Variants in OSBPL5 observed in about 807,000 individuals in gnomAD.
OSBPL5 encodes the protein oxysterol-binding protein-related protein 5.
OSBPL5 carries 71 observed loss-of-function variants against 111.2 expected under a neutral mutation model. The ratio of observed to expected loss-of-function variants is 0.64; its 90% CI spans 0.53 to 0.78. The LOEUF (loss-of-function observed/expected upper bound fraction) is 0.78. Among genes scored for constraint, OSBPL5 ranks in the 30% least tolerant of loss-of-function variants. The pLI, the probability that OSBPL5 is intolerant of heterozygous loss-of-function variation, is 0.00. For synonymous variants in OSBPL5, 549 were observed against 513.9 expected (o/e 1.07, Z -0.93); for missense variants, 1,210 against 1,189.3 (o/e 1.02, Z -0.26).
In OSBPL5 at chr11:3,146,177, C is replaced by T. The variant is rs972915947; in HGVS notation, c.-21-17008G>A. The T allele has an allele frequency of 2.6e-5, 4 of 152,244 alleles. No individual in the cohort carries two copies. Among genetic ancestry groups the T allele is most frequent in the South Asian group, 2.1e-4 (1 of 4,830 alleles). 9.4% of individuals were successfully genotyped at this position (152,244 alleles called of 1,614,324 possible). Reference sequence around the variant, plus strand: ...ATAAGCCAGGGTCCCGCGGCCCCGTCGGAGCTCTCAGACCAGGGCGGGCAG... The same window carrying T: ...ATAAGCCAGGGTCCCGCGGCCCCGTTGGAGCTCTCAGACCAGGGCGGGCAG... On this transcript the variant is annotated intron_variant, in intron 1 of 21. Coordinates refer to ENST00000263650, the MANE Select transcript of OSBPL5 (RefSeq NM_020896.4). The surrounding 1 kb of genome is among the most constrained non-coding windows in gnomAD (Gnocchi z 7.8).
Position 3,133,964 on chromosome 11 carries a change from G to A in OSBPL5, c.-21-4795C>T, listed in dbSNP as rs1046823788. Among the ~76,000 whole-genome samples, 80 of 149,152 alleles carry A rather than the reference G, an allele frequency of 5.4e-4. 1 individual carries two copies. Among genetic ancestry groups the A allele is most frequent in the African/African-American group, 2.0e-3 (78 of 39,110 alleles). On this transcript the variant is annotated intron_variant, in intron 1 of 21. Coordinates refer to ENST00000263650, the MANE Select transcript of OSBPL5 (RefSeq NM_020896.4). ...GGCCAGGGAAGAGGGAGTGGCTGGG[G>A]AAGAAGGCGGGGCTTGGTGGGGGGG...
chr11:3,132,901 T>C (rs1454224220), intron 1 of OSBPL5, among the ~76,000 whole-genome samples: 1 of 152,202 alleles, frequency 6.6e-6, no homozygotes, highest in Non-Finnish European at 1.5e-5. Context: ...GTGCTTCCCA[T>C]GTGTTTGGAT....
At position 3,090,542 on chromosome 11, in the gene OSBPL5, G is replaced by A. The variant is rs1182265064; in HGVS notation, c.2398+16C>T. 1.9e-6 allele frequency: 3 copies of A among 1,610,814 alleles called. No individual in the cohort carries two copies. Among genetic ancestry groups the A allele is most frequent in the East Asian group, 2.2e-5 (1 of 44,838 alleles). On this transcript the variant is annotated intron_variant, in intron 20 of 21. Coordinates refer to ENST00000263650, the MANE Select transcript of OSBPL5 (RefSeq NM_020896.4). Reference sequence around the variant, plus strand: ...CACCAGACAGAGGCCTTGGGGCTGGGCCCAAGGGGGCTCACCAGGGACAAA... The same window carrying A: ...CACCAGACAGAGGCCTTGGGGCTGGACCCAAGGGGGCTCACCAGGGACAAA...
At position 3,107,365 on chromosome 11, in the gene OSBPL5, A is replaced by G. The variant is rs1857738420; in HGVS notation, c.957T>C (p.His319=). 6.2e-7 allele frequency: 1 copy of G among 1,613,680 alleles called. No homozygotes were observed. Among genetic ancestry groups the G allele is most frequent in the Non-Finnish European group, 8.5e-7 (1 of 1,179,898 alleles). ...PEESDTETQD[H]SRKTESGSDQ... Reference sequence around the variant, plus strand: ...CGCTGCCACTCTCCGTCTTCCGGCTATGGTCCTGGGTCTCGGTATCTGACT... The same window carrying G: ...CGCTGCCACTCTCCGTCTTCCGGCTGTGGTCCTGGGTCTCGGTATCTGACT... Residue 319 remains histidine (H), a synonymous_variant, in exon 9 of 22, where the codon CAT becomes CAC. Transcript: ENST00000263650. This position sits in a 1 kb window ranked among gnomAD's most constrained non-coding sequence, Gnocchi z 6.1.
At chr11:3,149,120 T>TG (rs1264653211) in intron 1 of OSBPL5, among the ~76,000 whole-genome samples, 1 of 152,198 alleles carries the variant, frequency 6.6e-6, no homozygotes, top group Non-Finnish European at 1.5e-5. Flanking sequence ...TCCAGCCCTG[T>TG]GTCTTAGCAA....
intron 7 of OSBPL5, among the ~76,000 whole-genome samples, chr11:3,111,530 T>C (rs1352611447): frequency 6.6e-6 from 1 of 152,234 alleles, no homozygotes; most frequent in Non-Finnish European, 1.5e-5. Context: ...CGATTGTTTG[T>C]TTCGCTTAAC....
chr11:3,164,203 GAC>G (rs1195466287), intron 1 of OSBPL5: 3 of 152,366 alleles, frequency 2.0e-5, no homozygotes, highest in African/African-American at 7.2e-5. Flanking sequence ...GACTGGGGCA[GAC>G]ACACAGAGGG....
chr11:3,108,578 C>T (rs1857795608), intron 7 of OSBPL5, among the ~76,000 whole-genome samples: 1 of 152,138 alleles, frequency 6.6e-6, no homozygotes, highest in South Asian at 2.1e-4. Context: ...GACAGCTGGG[C>T]GCCTCCAAGC....
intron 1 of OSBPL5, among the ~76,000 whole-genome samples, chr11:3,138,314 C>T (rs1182267887): frequency 6.6e-6 from 1 of 152,206 alleles, no homozygotes; most frequent in African/African-American, 2.4e-5. Flanking sequence ...CCTGGCCCCA[C>T]CACCTCCCAG....
intron 1 of OSBPL5, among the ~76,000 whole-genome samples, chr11:3,151,710 TC>T (rs1846592458): frequency 6.6e-6 from 1 of 152,216 alleles, no homozygotes; most frequent in South Asian, 2.1e-4. Context: ...AACCGGTGAC[TC>T]CTCGGAGAAT....
At chr11:3,100,921 C>T (rs1389972010) in intron 13 of OSBPL5, among the ~76,000 whole-genome samples, 1 of 151,898 alleles carries the variant, frequency 6.6e-6, no homozygotes, top group African/African-American at 2.4e-5. Context: ...GGGGCCAACA[C>T]TGAGCCTGTG....
At position 3,092,960 on chromosome 11, in the gene OSBPL5, C is replaced by T. The variant is rs35733103; in HGVS notation, c.2039G>A (p.Arg680Gln). Residue 680 changes from arginine to glutamine, a missense_variant, in exon 18 of 22, where the codon CGG becomes CAG. Physicochemically the swap from Arg to Gln is conservative, Grantham distance 43. Transcript: ENST00000263650. This position sits in a 1 kb window ranked among gnomAD's most constrained non-coding sequence, Gnocchi z 5.4. ...GAGGCTCTCCTGCCGCTCACGGGCC[C>T]GCTGCCGCTGTGCCTCCTCCAGTGC... ...KFALEEAQRQ[R>Q]ARERQESLMP... 44,955 of 1,593,152 alleles carry T rather than the reference C, an allele frequency of 0.028. 827 individuals are homozygous for T. Among genetic ancestry groups the T allele is most frequent in the Admixed American group, 0.071 (4,030 of 56,366 alleles).
intron 1 of OSBPL5, among the ~76,000 whole-genome samples, chr11:3,153,074 A>G (rs968079947): frequency 6.6e-6 from 1 of 152,024 alleles, no homozygotes; most frequent in African/African-American, 2.4e-5. Flanking sequence ...AGAGTGCAAC[A>G]TCCCCCAGGC....
At chr11:3,091,318 T>C (rs1191146006) in intron 19 of OSBPL5, among the ~76,000 whole-genome samples, 1 of 152,080 alleles carries the variant, frequency 6.6e-6, no homozygotes, top group African/African-American at 2.4e-5. Context: ...AACAGGCGTT[T>C]GGGGCCAGAG....
Position 3,107,601 on chromosome 11 carries a change from C to A in OSBPL5, c.867-146G>T, listed in dbSNP as rs1401891526. On this transcript the variant is annotated intron_variant, in intron 8 of 21. Coordinates refer to ENST00000263650, the MANE Select transcript of OSBPL5 (RefSeq NM_020896.4). The surrounding 1 kb of genome is among the most constrained non-coding windows in gnomAD (Gnocchi z 6.1). ...CAACCCACATTTGACACGATCAGCC[C>A]CGTTTTAGAGGAAGGAACCGAGGCT... 25 of 1,352,918 alleles carry A rather than the reference C, an allele frequency of 1.8e-5. No individual in the cohort carries two copies. 83.8% of individuals were successfully genotyped at this position (1,352,918 alleles called of 1,614,324 possible).
At chr11:3,102,781 C>T (rs1037379929) in intron 11 of OSBPL5, among the ~76,000 whole-genome samples, 10 of 152,290 alleles carry the variant, frequency 6.6e-5, no homozygotes, top group South Asian at 4.1e-4. Flanking sequence ...AGGGGAGCTG[C>T]GGGCCCTCTT....
intron 21 of OSBPL5, among the ~76,000 whole-genome samples, chr11:3,088,579 G>C (rs749297581): frequency 5.3e-5 from 8 of 152,154 alleles, no homozygotes; most frequent in Non-Finnish European, 7.4e-5. Context: ...GCAGAGGAGG[G>C]TCAGGGATTG....
Position 3,089,878 on chromosome 11 carries a change from G to A in OSBPL5, c.2469C>T (p.Leu823=). The stretch of plus-strand genomic sequence containing the variant: ...GCTCCTGCTGGGCCTCTCGGATGGA[G>A]AGGATGGCCTCGTGCAGGGCCTGCA... The part of the protein sequence containing the change: ...RRLQALHEAI[L]SIREAQQELH... Residue 823 remains leucine, a synonymous_variant, in exon 21 of 22, where the codon CTC becomes CTT. Coordinates refer to ENST00000263650, the MANE Select transcript of OSBPL5 (RefSeq NM_020896.4). 6.4e-7 allele frequency: 1 copy of A among 1,565,222 alleles called. No individual in the cohort carries two copies. The highest frequency in any genetic ancestry group is 2.4e-5 in the East Asian group (1 of 42,028).
intron 7 of OSBPL5, among the ~76,000 whole-genome samples, chr11:3,114,154 G>T: frequency 6.6e-6 from 1 of 150,916 alleles, no homozygotes; most frequent in Non-Finnish European, 1.5e-5. Context: ...CTAAAAGAAA[G>T]CATGTCCTTT....
Sources: allele counts gnomAD v4.1 joint callset (sites outside exome capture counted in the v4.1 genomes callset), GRCh38; gene constraint gnomAD v4.1.1; non-coding constraint Gnocchi (gnomAD v3.1); transcripts MANE v1.5; gene names NCBI Gene and HGNC (gene_info 2026-07-23, HGNC 2026-07-21).